USP6: variants seen among roughly 807,000 people sequenced by gnomAD.
The protein encoded by USP6 is ubiquitin carboxyl-terminal hydrolase 6.
In USP6, 128 loss-of-function variants were observed where a neutral mutation model predicts 175.7. The observed-to-expected ratio is 0.73, with a 90% CI of 0.63 to 0.84. The LOEUF (loss-of-function observed/expected upper bound fraction) is 0.84, where lower values mean the gene tolerates loss of function less well. Ranked by LOEUF, USP6 falls within the 40% of genes least tolerant of loss-of-function variation. The probability of loss-of-function intolerance (pLI) is 0.00; values close to 1 mark genes in which losing one functional copy is unlikely to be tolerated. For missense variants in USP6, 1,498 were observed against 1,760.3 expected, an observed-to-expected ratio of 0.85 and a Z score of 2.67; for synonymous variants, 562 against 630.6, an observed-to-expected ratio of 0.89 and a Z score of 1.63.
In USP6 at chr17:5,168,865, T is replaced by C. The variant is rs1253278209; in HGVS notation, c.3327T>C (p.Phe1109=). ...GGGAAAGTTTTGATCCGAGTGCTTTTTTGGTACCACGAGACCCGGCCCTCT... is the reference window on the plus strand; with the variant it reads ...GGGAAAGTTTTGATCCGAGTGCTTTCTTGGTACCACGAGACCCGGCCCTCT... ...FLRESFDPSA[F]LVPRDPALCQ... is the part of the protein sequence containing the mutation. Residue 1109 remains phenylalanine (F), a synonymous_variant, in exon 35 of 38, where the codon TTT becomes TTC. Transcript: ENST00000574788. 2 of 1,613,524 alleles carry C rather than the reference T, an allele frequency of 1.2e-6. No homozygotes were observed. The highest frequency in any genetic ancestry group is 1.7e-6 in the Non-Finnish European group (2 of 1,179,762).
Position 5,162,783 on chromosome 17 carries a change from G to C in USP6, c.2916-101G>C, listed in dbSNP as rs2074028771. ...GCCCATGACAAATTGTGAGGCCCAA[G>C]AGGAAAGCAGAAAAGTAGGAAGGGA... On this transcript the variant is annotated intron_variant, in intron 32 of 37. Coordinates refer to ENST00000574788, the MANE Select transcript of USP6 (RefSeq NM_001304284.2). The C allele has an allele frequency of 1.3e-6, 2 of 1,508,008 alleles. 1 individual carries two copies. The highest frequency in any genetic ancestry group is 2.9e-5 in the African/African-American group (2 of 68,674). 93.4% of individuals were successfully genotyped at this position (1,508,008 alleles called of 1,614,324 possible).
At chr17:5,143,257 C>T (rs967091197) in intron 25 of USP6, among the ~76,000 whole-genome samples, 1 of 152,190 alleles carries the variant, frequency 6.6e-6, no homozygotes, top group Admixed American at 6.5e-5. Flanking sequence ...GGAGGTGTAC[C>T]CAACAGCTCA....
intron 29 of USP6, 81 bp downstream of exon 29, chr17:5,147,275 C>G: frequency 7.1e-7 from 1 of 1,409,040 alleles, no homozygotes; most frequent in Non-Finnish European, 9.7e-7. Flanking sequence ...TATATTTGTT[C>G]ATGCTGAGGA....
At chr17:5,151,467 T>G (rs201110138) in intron 30 of USP6, among the ~76,000 whole-genome samples, 2 of 148,538 alleles carry the variant, frequency 1.3e-5, no homozygotes, top group South Asian at 2.1e-4. Context: ...GTGTGTGTGG[T>G]GTGTGTGAGT....
intron 31 of USP6, among the ~76,000 whole-genome samples, chr17:5,160,798 G>A (rs1368162464): frequency 3.9e-5 from 6 of 152,264 alleles, no homozygotes; most frequent in African/African-American, 4.8e-5. Flanking sequence ...CTGAGGAATC[G>A]CCACACTGAC....
intron 31 of USP6, among the ~76,000 whole-genome samples, chr17:5,160,980 C>T (rs1233935409): frequency 6.6e-6 from 1 of 152,122 alleles, no homozygotes; most frequent in Non-Finnish European, 1.5e-5. Context: ...ATGTAACTAA[C>T]CTGCATGTTG....
Position 5,130,375 on chromosome 17 carries a change from T to C in USP6, c.8T>C (p.Met3Thr), listed in dbSNP as rs773325386. Residue 3 changes from methionine (M) to threonine (T), a missense_variant, in exon 10 of 38, where the codon ATG becomes ACG. By Grantham distance (81) the Met-to-Thr change is moderately conservative. Around this residue, in one of 2 missense-constraint regions of USP6, gnomAD observed 281 missense variants for 259.6 expected, o/e 1.08. Transcript: ENST00000574788. MD[M>T]VENADSLQAQ... ...ACAATTTTGTCTCACAGGATGGACA[T>C]GGTAGAGAATGCAGATAGTTTGCAG... The C allele has an allele frequency of 1.2e-6, 2 of 1,613,932 alleles. No homozygotes were observed. The highest frequency in any genetic ancestry group is 1.1e-5 in the South Asian group (1 of 91,074).
At chr17:5,166,115 C>T (rs1428054747) in intron 33 of USP6, among the ~76,000 whole-genome samples, 1 of 152,076 alleles carries the variant, frequency 6.6e-6, no homozygotes, top group Non-Finnish European at 1.5e-5. Flanking sequence ...TGATACAGCA[C>T]GTTTCCTTTT....
chr17:5,138,520 C>T (rs528825409), intron 21 of USP6, among the ~76,000 whole-genome samples: 7 of 152,132 alleles, frequency 4.6e-5, no homozygotes, highest in Non-Finnish European at 1.0e-4. Flanking sequence ...CAAGCCCCCT[C>T]CCACTTTCCA....
chr17:5,145,671 A>G, intron 27 of USP6, 92 bp downstream of exon 27: 1 of 1,437,398 alleles, frequency 7.0e-7, no homozygotes, highest in Non-Finnish European at 9.2e-7. Flanking sequence ...TTTGTTTACA[A>G]ATAAAGACTG....
chr17:5,119,846 A>T (rs2072612085), intron 2 of USP6, among the ~76,000 whole-genome samples: 1 of 152,180 alleles, frequency 6.6e-6, no homozygotes, highest in Non-Finnish European at 1.5e-5. Context: ...TGACCCGTGA[A>T]GAAACTGAAG....
At chr17:5,127,214 G>A (rs2072921970) in intron 6 of USP6, among the ~76,000 whole-genome samples, 2 of 152,112 alleles carry the variant, frequency 1.3e-5, no homozygotes, top group African/African-American at 2.4e-5. Context: ...AGAACTAAGG[G>A]CAACCACTGG....
rs1480489823 is a variant in USP6 at position 5,124,683 on chromosome 17, T to A, written c.-1181T>A. 6.6e-6 allele frequency: 1 copy of A among 152,414 alleles called. No homozygotes were observed. The highest frequency in any genetic ancestry group is 2.9e-3 in the Middle Eastern group (1 of 340). The allele number at this position is 152,414 out of a possible 1,614,324, so 9.4% of individuals were successfully genotyped here. On this transcript the variant is annotated 5_prime_UTR_variant, in exon 5 of 38. An upstream start codon of the reference 5' UTR is lost. Transcript: ENST00000574788. Reference sequence around the variant, plus strand: ...CACCTTGATCTTGGACTGACACTCATGACCTCCAGTACTGTGAGACAGTAA... The same window carrying A: ...CACCTTGATCTTGGACTGACACTCAAGACCTCCAGTACTGTGAGACAGTAA...
At chr17:5,135,773 G>A in intron 16 of USP6, 35 bp from the exon 17 acceptor site, 1 of 1,597,356 alleles carries the variant, frequency 6.3e-7, no homozygotes, top group Non-Finnish European at 8.5e-7. Context: ...GCCCTCCCAG[G>A]TGATGTCCTT....
chr17:5,139,340 C>T lies in USP6; in HGVS notation c.1164C>T (p.Ala388=), dbSNP rs140495284. 28 of 1,612,384 alleles carry T rather than the reference C, an allele frequency of 1.7e-5. 1 individual carries two copies. In the Middle Eastern group the frequency reaches 8.5e-4, roughly 49 times the overall value. ...GKTLCKGYRQ[A]PPGPPAQFQR... ...CCCTCTGCAAGGGGTATAGGCAGGC[C>T]CCTCCAGGCCCACCAGCCCAGTTCC... Residue 388 remains alanine, a synonymous_variant, in exon 22 of 38, where the codon GCC becomes GCT. Transcript: ENST00000574788.
intron 17 of USP6, 110 bp from the exon 18 acceptor site, chr17:5,136,530 G>C (rs1567785353): frequency 1.5e-6 from 2 of 1,354,460 alleles, no homozygotes; most frequent in East Asian, 4.6e-5. Context: ...AGATGGGAGG[G>C]CGGGAGGCCT....
chr17:5,135,876 C>T lies in USP6; in HGVS notation c.612C>T (p.Asp204=), dbSNP rs778859715. 2.3e-5 allele frequency: 37 copies of T among 1,599,332 alleles called. No individual in the cohort carries two copies. Among genetic ancestry groups the T allele is most frequent in the South Asian group, 8.8e-5 (8 of 91,002 alleles). Residue 204 remains aspartate (D), a synonymous_variant, in exon 17 of 38, where the codon GAC becomes GAT. Transcript: ENST00000574788. ...TCCTCCTTTATCTGCCTGAGGAGGA[C>T]GCATTCTGGGCACTGGTGCAGCTGC... ...ALFLLYLPEE[D]AFWALVQLLA...
intron 6 of USP6, among the ~76,000 whole-genome samples, chr17:5,126,284 G>A (rs2072892227): frequency 6.6e-6 from 1 of 152,210 alleles, no homozygotes; most frequent in African/African-American, 2.4e-5. Context: ...TGAGTGGAAG[G>A]CACTGCAGAT....
chr17:5,152,979 GA>G (rs1324382508), intron 30 of USP6, among the ~76,000 whole-genome samples: 2 of 152,050 alleles, frequency 1.3e-5, no homozygotes, highest in African/African-American at 4.8e-5. Context: ...CTCGATGACA[GA>G]GCTAGACCCA....
Sources: gnomAD v4.1 joint callset for allele counts (sites outside exome capture counted in the v4.1 genomes callset) on GRCh38, gnomAD v4.1.1 for gene constraint, gnomAD v4.1.1 regional missense constraint, MANE v1.5 for transcripts, NCBI Gene and HGNC (gene_info 2026-07-23, HGNC 2026-07-21) for gene names.